The following CAPN13 variants were observed in gnomAD, a reference collection of about 807,000 sequenced individuals.
The protein encoded by CAPN13 is calpain 13.
Under a neutral mutation model 98.4 loss-of-function variants are expected in CAPN13, and 90 were observed. The ratio of observed to expected loss-of-function variants is 0.92; its 90% CI spans 0.77 to 1.09. The LOEUF (loss-of-function observed/expected upper bound fraction) is 1.09. Ranked by LOEUF, CAPN13 falls within the 50% of genes least tolerant of loss-of-function variation. CAPN13 has a pLI of 0.00. For missense variants in CAPN13, 887 were observed against 841.3 expected, an observed-to-expected ratio of 1.05 and a Z score of -0.67; for synonymous variants, 330 against 305.5, an observed-to-expected ratio of 1.08 and a Z score of -0.84.
intron 12 of CAPN13, 59 bp downstream of exon 12, chr2:30,745,664 T>G: frequency 6.3e-7 from 1 of 1,583,382 alleles, no homozygotes; most frequent in East Asian, 2.2e-5. Flanking sequence ...GGAAGTGGCC[T>G]AACACTCCAC....
chr2:30,787,074 G>C, intron 2 of CAPN13, 54 bp downstream of exon 2: 1 of 1,405,340 alleles, frequency 7.1e-7, no homozygotes, highest in Admixed American at 2.6e-5. Context: ...AGGTGCCATG[G>C]CAGGCGACTC....
chr2:30,734,517 A>G lies in CAPN13; in HGVS notation c.1730T>C (p.Phe577Ser). The change falls in exon 19 of 23, where the codon TTC becomes TCC. Residue 577 changes from phenylalanine (F) to serine (S), a missense_variant. Phe to Ser is a radical substitution (Grantham distance 155). Transcript: ENST00000295055. ...WKRLVHYQHV[F>S]QKVQTSPGVL... ...TCCAGGGCTTGTCTGAACCTTCTGG[A>G]AAACATGCTAATAGGGGAAGAGAAG... 1 of 1,613,540 alleles carries G rather than the reference A, an allele frequency of 6.2e-7. No homozygotes were observed. Among genetic ancestry groups the G allele is most frequent in the Non-Finnish European group, 8.5e-7 (1 of 1,179,488 alleles).
At chr2:30,745,894 A>AT (rs57880021) in intron 11 of CAPN13, among the ~76,000 whole-genome samples, 160 bp from the exon 12 acceptor site, 4,445 of 92,680 alleles carry the variant, frequency 0.048, 529 homozygotes, top group African/African-American at 0.15. Context: ...GCCATAAAGC[A>AT]TTTTTTTTTT....
intron 22 of CAPN13, among the ~76,000 whole-genome samples, 188 bp from the exon 23 acceptor site, chr2:30,723,424 T>C (rs1670757166): frequency 6.6e-6 from 1 of 152,146 alleles, no homozygotes; most frequent in African/African-American, 2.4e-5. Flanking sequence ...GGCCCCTTAA[T>C]GGATGACCCT....
chr2:30,757,044 A>T (rs570508516), intron 8 of CAPN13, among the ~76,000 whole-genome samples: 1 of 152,276 alleles, frequency 6.6e-6, no homozygotes, highest in Non-Finnish European at 1.5e-5. Flanking sequence ...TCCAGAAAGC[A>T]CCGTCCTCAC....
At chr2:30,731,043 G>A (rs1255666525) in intron 21 of CAPN13, among the ~76,000 whole-genome samples, 1 of 152,138 alleles carries the variant, frequency 6.6e-6, no homozygotes, top group Non-Finnish European at 1.5e-5. Context: ...AAACTCAATG[G>A]GAATAAGTTT....
At chr2:30,760,229 G>GGTA (rs1432671228) in intron 7 of CAPN13, among the ~76,000 whole-genome samples, 7 of 152,204 alleles carry the variant, frequency 4.6e-5, no homozygotes, top group African/African-American at 1.7e-4. Context: ...ACCACAGGCA[G>GGTA]GTACCCGCCT....
Position 30,732,946 on chromosome 2 carries a change from A to G in CAPN13, c.1799-380T>C, listed in dbSNP as rs192978861. Among the ~76,000 whole-genome samples, 640 of 152,172 alleles carry G rather than the reference A, an allele frequency of 4.2e-3. 2 individuals carry two copies. The highest frequency in any genetic ancestry group is 6.0e-3 in the Non-Finnish European group (410 of 67,992). ...CCTCCCCACCCATGACTGTAGGTGG[A>G]TTGTTTATGGATGCTGCTAGTGTAG... On this transcript the variant is annotated intron_variant, in intron 19 of 22. Transcript: ENST00000295055.
At chr2:30,729,268 G>A (rs1278628186) in intron 22 of CAPN13, among the ~76,000 whole-genome samples, 1 of 152,200 alleles carries the variant, frequency 6.6e-6, no homozygotes, top group Non-Finnish European at 1.5e-5. Flanking sequence ...GATTAATGAG[G>A]AAGCTAGGGA....
rs763998320 is a variant in CAPN13 at position 30,764,195 on chromosome 2, CAGG to C, written c.633_635del (p.Asp211_Leu212delinsGlu). 29 of 1,608,398 alleles carry C rather than the reference CAGG, an allele frequency of 1.8e-5. No homozygotes were observed. In the African/African-American group the frequency reaches 3.6e-4, roughly 20 times the overall value. On this transcript the variant is annotated inframe_deletion, in exon 6 of 23. Coordinates refer to ENST00000295055, the MANE Select transcript of CAPN13 (RefSeq NM_144575.3). ...TGGTCGCTGTCTTCACTGCCTTCACCAGGTCCACAGGGGAAGAGTGCAGATGGA... is the reference window on the plus strand; with the variant it reads ...TGGTCGCTGTCTTCACTGCCTTCACCTCCACAGGGGAAGAGTGCAGATGGA...
chr2:30,805,590 C>A (rs568056065), intron 1 of CAPN13, among the ~76,000 whole-genome samples: 1 of 151,900 alleles, frequency 6.6e-6, no homozygotes, highest in Non-Finnish European at 1.5e-5. Context: ...TTTCACTGAT[C>A]TTTTGGGGTA....
chr2:30,728,284 T>C (rs551581349), intron 22 of CAPN13, among the ~76,000 whole-genome samples: 17 of 151,834 alleles, frequency 1.1e-4, no homozygotes, highest in East Asian at 3.9e-4. Flanking sequence ...CTAAAAACCA[T>C]TGAACTCTAT....
intron 4 of CAPN13, among the ~76,000 whole-genome samples, chr2:30,772,167 G>C (rs1673443086): frequency 6.6e-6 from 1 of 152,174 alleles, no homozygotes; most frequent in African/African-American, 2.4e-5. Flanking sequence ...CTGATTGGTG[G>C]TCAAGAATGA....
intron 17 of CAPN13, among the ~76,000 whole-genome samples, chr2:30,736,967 T>G (rs1057323286): frequency 6.6e-6 from 1 of 152,094 alleles, no homozygotes; most frequent in Non-Finnish European, 1.5e-5. Context: ...TGCACAAGTG[T>G]AGAGGGAATG....
intron 7 of CAPN13, among the ~76,000 whole-genome samples, chr2:30,759,953 G>A (rs766261674): frequency 6.6e-6 from 1 of 152,176 alleles, no homozygotes; most frequent in African/African-American, 2.4e-5. Flanking sequence ...TCCCTTGCCT[G>A]CCCCGCTCCC....
intron 5 of CAPN13, among the ~76,000 whole-genome samples, chr2:30,765,249 G>A (rs1291989963): frequency 2.6e-5 from 4 of 152,172 alleles, no homozygotes; most frequent in African/African-American, 9.7e-5. Context: ...AGCGTTCCAT[G>A]GAATCTTGAA....
chr2:30,726,553 TA>T (rs1308789117), intron 22 of CAPN13, among the ~76,000 whole-genome samples: 1 of 152,088 alleles, frequency 6.6e-6, no homozygotes, highest in Non-Finnish European at 1.5e-5. Flanking sequence ...AAGATCAATA[TA>T]AAAATAATTT....
intron 22 of CAPN13, among the ~76,000 whole-genome samples, chr2:30,724,238 C>A (rs1670783034): frequency 2.0e-5 from 3 of 152,174 alleles, no homozygotes; most frequent in Admixed American, 2.0e-4. Flanking sequence ...ATCACATTTT[C>A]TCTCTTCTGT....
At position 30,723,021 on chromosome 2, in the gene CAPN13, G is replaced by A. The variant is rs1418432764; in HGVS notation, c.*246C>T. ...CTCCTGCTTCCTTTTCCAGGGCAAC[G>A]TAGGCTGAATACATCCCAAAGTGCT... is the stretch of plus-strand genomic sequence containing the variant. On this transcript the variant is annotated 3_prime_UTR_variant, in exon 23 of 23. Transcript: ENST00000295055. 1.3e-5 allele frequency: 2 copies of A among 152,206 alleles called. No individual in the cohort carries two copies. The highest frequency in any genetic ancestry group is 2.4e-5 in the African/African-American group (1 of 41,446). The allele number at this position is 152,206 out of a possible 1,614,324, so 9.4% of individuals were successfully genotyped here. A position where few individuals can be genotyped will look rare whatever the true frequency, so the allele number is the denominator to read the frequency against.
Sources: allele counts gnomAD v4.1 joint callset (sites outside exome capture counted in the v4.1 genomes callset), GRCh38; gene constraint gnomAD v4.1.1; transcripts MANE v1.5; gene names NCBI Gene and HGNC (gene_info 2026-07-23, HGNC 2026-07-21).